Variants in IGSF5 observed in about 807,000 individuals in gnomAD.
IGSF5 encodes the protein immunoglobulin superfamily member 5.
Under a neutral mutation model 39.4 loss-of-function variants are expected in IGSF5, and 41 were observed. The ratio of observed to expected loss-of-function variants is 1.04; its 90% CI spans 0.81 to 1.35. The LOEUF is 1.35. Among genes scored for constraint, IGSF5 ranks in the 40% most tolerant of loss-of-function variants. IGSF5 has a pLI of 0.00. For synonymous variants in IGSF5, 183 were observed against 175.3 expected (o/e 1.04, Z -0.34); for missense variants, 487 against 494.6 (o/e 0.98, Z 0.15).
intron 8 of IGSF5, among the ~76,000 whole-genome samples, chr21:39,799,353 C>T (rs889185358): frequency 2.6e-5 from 4 of 152,174 alleles, no homozygotes; most frequent in African/African-American, 9.7e-5. Context: ...AGCAGCAGCT[C>T]TCAGTACAGC....
At chr21:39,758,882 T>C (rs559026261) in intron 2 of IGSF5, among the ~76,000 whole-genome samples, 1 of 152,330 alleles carries the variant, frequency 6.6e-6, no homozygotes, top group East Asian at 1.9e-4. Flanking sequence ...AGGCATTTAT[T>C]TGAAGAATAA....
intron 5 of IGSF5, among the ~76,000 whole-genome samples, chr21:39,781,002 A>C (rs2080167164): frequency 6.6e-6 from 1 of 152,206 alleles, no homozygotes; most frequent in Admixed American, 6.5e-5. Flanking sequence ...ACTAACTGCC[A>C]CTCAATGAAC....
rs756941833 is a variant in IGSF5, at chr21:39,770,930, T to C, written c.433T>C (p.Phe145Leu). 3.2e-6 allele frequency: 5 copies of C among 1,568,190 alleles called. No homozygotes were observed. The South Asian group carries it at 6.1e-5, about 19-fold the overall frequency. The change falls in exon 4 of 9, where the codon TTC (phenylalanine) becomes CTC (leucine). Residue 145 changes from phenylalanine to leucine, a missense_variant. Coordinates refer to ENST00000380588, the MANE Select transcript of IGSF5 (RefSeq NM_001080444.2). ...TTCTTCTTTAGTTATGGGAGAGCTG[T>C]TCATTCCCAGTGTTAATCTTGTAGT... ...YLTVQVMGELFIPSVNLVVAE... is the reference protein window; with the variant it reads ...YLTVQVMGELLIPSVNLVVAE...
chr21:39,767,220 A>G (rs1018051169), intron 3 of IGSF5, among the ~76,000 whole-genome samples: 1 of 152,224 alleles, frequency 6.6e-6, no homozygotes, highest in African/African-American at 2.4e-5. Context: ...TATCTATCAG[A>G]GAGACCCCTG....
intron 8 of IGSF5, among the ~76,000 whole-genome samples, chr21:39,797,939 A>G (rs1309610938): frequency 6.6e-6 from 1 of 151,958 alleles, no homozygotes; most frequent in Non-Finnish European, 1.5e-5. Context: ...AAGTTAAATA[A>G]TTTCATATCA....
intron 2 of IGSF5, among the ~76,000 whole-genome samples, chr21:39,764,885 G>A (rs555636730): frequency 6.6e-6 from 1 of 152,294 alleles, no homozygotes; most frequent in East Asian, 1.9e-4. Context: ...AAAAGAGTAC[G>A]AAATTCAGAG....
chr21:39,738,734 T>C, the IGSF5 span, among the ~76,000 whole-genome samples: 1 of 151,622 alleles, frequency 6.6e-6, no homozygotes, highest in Non-Finnish European at 1.5e-5. The surrounding 1 kb of genome is among the most constrained non-coding windows in gnomAD (Gnocchi z 6.4). Flanking sequence ...AAAGATTGGG[T>C]CATTTTGCAA....
chr21:39,799,118 C>T (rs965902528), intron 8 of IGSF5, among the ~76,000 whole-genome samples: 1 of 152,180 alleles, frequency 6.6e-6, no homozygotes. Context: ...GGAGCTCCCC[C>T]TTTTGCTCAT....
chr21:39,746,130 G>T (rs1034583781), intron 1 of IGSF5, 86 bp from the exon 2 acceptor site: 105 of 697,804 alleles, frequency 1.5e-4, no homozygotes, highest in Middle Eastern at 7.3e-4. Context: ...AGCTCGATTA[G>T]GATGAACCCA....
chr21:39,719,991 TA>T, the IGSF5 span, among the ~76,000 whole-genome samples: 12 of 152,242 alleles, frequency 7.9e-5, no homozygotes, highest in Non-Finnish European at 1.0e-4. Flanking sequence ...TTTTTAAAAA[TA>T]ACCTTTTTCC....
chr21:39,755,968 G>T (rs9753841), intron 2 of IGSF5, among the ~76,000 whole-genome samples: 1 of 151,156 alleles, frequency 6.6e-6, no homozygotes, highest in African/African-American at 2.4e-5. Flanking sequence ...TTAGCCAGGC[G>T]TACTTCCAGC....
chr21:39,731,335 AC>A, the IGSF5 span, among the ~76,000 whole-genome samples: 72 of 152,114 alleles, frequency 4.7e-4, no homozygotes, highest in African/African-American at 1.4e-3. Flanking sequence ...CTGAATCTGA[AC>A]CCTGTGAGTG....
At chr21:39,733,612 A>G in the IGSF5 span, among the ~76,000 whole-genome samples, 3 of 152,232 alleles carry the variant, frequency 2.0e-5, no homozygotes, top group Non-Finnish European at 4.4e-5. Context: ...GCTGCCTGGG[A>G]AGAGCTCCAC....
intron 5 of IGSF5, among the ~76,000 whole-genome samples, chr21:39,786,200 C>A (rs1375262020): frequency 1.3e-5 from 2 of 152,116 alleles, no homozygotes; most frequent in African/African-American, 4.8e-5. Flanking sequence ...ATTTTTGCAA[C>A]CTGCTCATCT....
chr21:39,743,844 A>G (rs1309642075), upstream of IGSF5, among the ~76,000 whole-genome samples: 3 of 152,206 alleles, frequency 2.0e-5, no homozygotes, highest in African/African-American at 7.2e-5. Flanking sequence ...TTCCCCTTGA[A>G]GAGAATATCA....
chr21:39,713,133 A>G, the IGSF5 span, among the ~76,000 whole-genome samples: 1 of 152,184 alleles, frequency 6.6e-6, no homozygotes, highest in Non-Finnish European at 1.5e-5. Flanking sequence ...GTAAAAAGGG[A>G]CAAGCCCCTT....
intron 8 of IGSF5, among the ~76,000 whole-genome samples, chr21:39,795,412 G>A (rs374731778): frequency 2.0e-5 from 3 of 152,174 alleles, no homozygotes; most frequent in South Asian, 2.1e-4. Flanking sequence ...CAGCCCTTCC[G>A]TGGTTATCTT....
chr21:39,754,406 T>G (rs1449588863), intron 2 of IGSF5, among the ~76,000 whole-genome samples: 1 of 152,224 alleles, frequency 6.6e-6, no homozygotes, highest in Admixed American at 6.5e-5. Flanking sequence ...CTGTTGTTTG[T>G]TTTTGAGCTT....
At chr21:39,714,426 T>C in the IGSF5 span, among the ~76,000 whole-genome samples, 5 of 152,256 alleles carry the variant, frequency 3.3e-5, no homozygotes, top group Non-Finnish European at 5.9e-5. Flanking sequence ...CCCACTGTGA[T>C]AGCTCTTACT....
Sources: allele counts gnomAD v4.1 joint callset (sites outside exome capture counted in the v4.1 genomes callset), GRCh38; gene constraint gnomAD v4.1.1; non-coding constraint Gnocchi (gnomAD v3.1); transcripts MANE v1.5; gene names NCBI Gene and HGNC (gene_info 2026-07-23, HGNC 2026-07-21).